The following DYSF variants were observed in gnomAD, a reference collection of about 807,000 sequenced individuals.
DYSF encodes dystrophy-associated fer-1-like 1.
In DYSF, 212 loss-of-function variants were observed where a neutral mutation model predicts 274.9. That is an observed-to-expected ratio of 0.77 (90% CI 0.69 to 0.86). The LOEUF (loss-of-function observed/expected upper bound fraction) is 0.86, where lower values mean the gene tolerates loss of function less well. Ranked by LOEUF, DYSF falls within the 40% of genes least tolerant of loss-of-function variation. The pLI, the probability that DYSF is intolerant of heterozygous loss-of-function variation, is 0.00. For synonymous variants in DYSF, 1,091 were observed against 1,078.7 expected (o/e 1.01, Z -0.22); for missense variants, 2,666 against 2,783.2 (o/e 0.96, Z 0.95).
chr2:71,619,925 T>C (rs1399882678), intron 40 of DYSF, among the ~76,000 whole-genome samples: 1 of 152,098 alleles, frequency 6.6e-6, no homozygotes, highest in Non-Finnish European at 1.5e-5. Flanking sequence ...TACTGGGAGA[T>C]TGTAGGCAAG....
intron 40 of DYSF, among the ~76,000 whole-genome samples, chr2:71,617,947 G>GAT: frequency 1.1e-5 from 1 of 90,010 alleles, no homozygotes; most frequent in Non-Finnish European, 2.5e-5. Context: ...GTGTGGTAGA[G>GAT]GTGGTGTGTG....
At chr2:71,463,711 A>G (rs568039334), upstream of DYSF, among the ~76,000 whole-genome samples, 134 of 152,374 alleles carry the variant, frequency 8.8e-4, no homozygotes, top group African/African-American at 2.9e-3. Context: ...TTCCTTATGC[A>G]CACAAAGCAG....
chr2:71,618,308 G>A (rs950296235), intron 40 of DYSF, among the ~76,000 whole-genome samples: 13 of 55,106 alleles, frequency 2.4e-4, no homozygotes, highest in South Asian at 6.7e-4. Flanking sequence ...TAGAGGTGGT[G>A]TGTGTGTGTG....
chr2:71,592,139 G>A (rs753356877), intron 32 of DYSF, among the ~76,000 whole-genome samples: 1 of 152,112 alleles, frequency 6.6e-6, no homozygotes, highest in Admixed American at 6.6e-5. Context: ...TGTGAGAGGG[G>A]GATGGCCAGG....
At chr2:71,456,716 G>A (rs1042941023) in intron 1 of DYSF, among the ~76,000 whole-genome samples, 1 of 152,154 alleles carries the variant, frequency 6.6e-6, no homozygotes, top group African/African-American at 2.4e-5. Context: ...TAAAGATAAG[G>A]ATATTGGCCC....
intron 35 of DYSF, 134 bp from the exon 36 acceptor site, chr2:71,602,642 C>T: frequency 1.1e-6 from 1 of 872,122 alleles, no homozygotes; most frequent in South Asian, 1.4e-5. Context: ...TCTGTTGGCT[C>T]CTCTTAGTGG....
intron 22 of DYSF, among the ~76,000 whole-genome samples, chr2:71,560,703 T>C (rs1406946183): frequency 6.6e-6 from 1 of 152,094 alleles, no homozygotes; most frequent in Non-Finnish European, 1.5e-5. Context: ...CCGGCGGTAA[T>C]TGGTTCTGCA....
chr2:71,488,749 A>G (rs1187756711), intron 3 of DYSF, among the ~76,000 whole-genome samples: 3 of 151,972 alleles, frequency 2.0e-5, no homozygotes, highest in African/African-American at 2.4e-5. Flanking sequence ...TCACAGTGGC[A>G]TTTTCTTTGG....
chr2:71,634,062 G>A (rs986441108), intron 41 of DYSF, among the ~76,000 whole-genome samples: 3 of 152,196 alleles, frequency 2.0e-5, no homozygotes, highest in Non-Finnish European at 4.4e-5. Flanking sequence ...GGCTGCCCAG[G>A]AACTGCATAT....
At chr2:71,541,654 T>G (rs1212153421) in intron 17 of DYSF, among the ~76,000 whole-genome samples, 3 of 152,218 alleles carry the variant, frequency 2.0e-5, no homozygotes, top group South Asian at 2.1e-4. Context: ...TTAAAATTTC[T>G]TATTTAAATA....
At chr2:71,656,649 T>C (rs1349162241) in intron 43 of DYSF, among the ~76,000 whole-genome samples, 3 of 152,166 alleles carry the variant, frequency 2.0e-5, no homozygotes, top group Non-Finnish European at 4.4e-5. Context: ...TCCACATGGC[T>C]GGCAAGGCCT....
intron 22 of DYSF, among the ~76,000 whole-genome samples, chr2:71,559,577 C>T (rs968999053): frequency 3.3e-5 from 5 of 152,220 alleles, no homozygotes; most frequent in African/African-American, 9.6e-5. Flanking sequence ...TGAAGCTCTG[C>T]GCTAGTTTGT....
At chr2:71,601,620 T>A in intron 35 of DYSF, 92 bp downstream of exon 35, 1 of 1,553,302 alleles carries the variant, frequency 6.4e-7, no homozygotes, top group Non-Finnish European at 8.9e-7. Context: ...GGCCAGGCAT[T>A]ACCGCGATCC....
At chr2:71,501,026 G>A (rs558717001) in intron 3 of DYSF, among the ~76,000 whole-genome samples, 1 of 152,266 alleles carries the variant, frequency 6.6e-6, no homozygotes, top group East Asian at 1.9e-4. Flanking sequence ...GGACAATTCA[G>A]TCAACATACT....
At chr2:71,554,325 G>T (rs1019402238) in intron 21 of DYSF, among the ~76,000 whole-genome samples, 1 of 152,254 alleles carries the variant, frequency 6.6e-6, no homozygotes, top group Non-Finnish European at 1.5e-5. Flanking sequence ...GGCGAGAGGT[G>T]AGCAAGCAGT....
chr2:71,498,973 T>A (rs1477728242), intron 3 of DYSF, among the ~76,000 whole-genome samples: 1 of 152,258 alleles, frequency 6.6e-6, no homozygotes, highest in African/African-American at 2.4e-5. Context: ...CTAAGATTTT[T>A]AAGGAGTTTT....
At chr2:71,647,631 G>T (rs1238581206) in intron 42 of DYSF, among the ~76,000 whole-genome samples, 1 of 152,182 alleles carries the variant, frequency 6.6e-6, no homozygotes, top group Non-Finnish European at 1.5e-5. Flanking sequence ...ATTGGTTAGA[G>T]GCCACTCAGC....
intron 4 of DYSF, among the ~76,000 whole-genome samples, chr2:71,504,859 T>A: frequency 6.6e-6 from 1 of 152,210 alleles, no homozygotes. Context: ...TCCCTTCGCC[T>A]CCTCCTGCTC....
intron 17 of DYSF, among the ~76,000 whole-genome samples, chr2:71,540,089 G>C (rs2089780504): frequency 6.6e-6 from 1 of 150,628 alleles, no homozygotes; most frequent in South Asian, 2.1e-4. Context: ...GAATTGCTGT[G>C]TGAAAAGATT....
Sources: allele counts gnomAD v4.1 joint callset (sites outside exome capture counted in the v4.1 genomes callset), GRCh38; gene constraint gnomAD v4.1.1; transcripts MANE v1.5; gene names NCBI Gene and HGNC (gene_info 2026-07-23, HGNC 2026-07-21).